IL34: variants seen among roughly 807,000 people sequenced by gnomAD.
IL34 encodes interleukin-34.
In IL34, 17 loss-of-function variants were observed where a neutral mutation model predicts 25.3. That is an observed-to-expected ratio of 0.67 (90% CI 0.46 to 1.01). The LOEUF (loss-of-function observed/expected upper bound fraction) is 1.01. IL34 is among the 50% of genes least tolerant of loss of function. The pLI, the probability that IL34 is intolerant of heterozygous loss-of-function variation, is 0.00. For missense variants in IL34, 368 were observed against 312.9 expected, an observed-to-expected ratio of 1.18 and a Z score of -1.33; for synonymous variants, 174 against 140.9, an observed-to-expected ratio of 1.23 and a Z score of -1.66.
At chr16:70,644,131 C>T (rs1489669989), upstream of IL34, among the ~76,000 whole-genome samples, 1 of 152,176 alleles carries the variant, frequency 6.6e-6, no homozygotes, top group Admixed American at 6.6e-5. Context: ...TGCACCACCA[C>T]ACCTGGCTAA....
chr16:70,652,940 G>A (rs918926300), intron 1 of IL34, among the ~76,000 whole-genome samples: 7 of 152,110 alleles, frequency 4.6e-5, no homozygotes, highest in South Asian at 2.1e-4. Flanking sequence ...ATGGTGGCTC[G>A]TGCCTGTAAA....
At chr16:70,599,292 T>TCTTCTTTCTTTC (rs778188607) in intron 1 of IL34, among the ~76,000 whole-genome samples, 1 of 72,532 alleles carries the variant, frequency 1.4e-5, no homozygotes, top group African/African-American at 6.2e-5. Flanking sequence ...TTTCTTTCTT[T>TCTTCTTTCTTTC]CTTCTTTCTT....
intron 1 of IL34, among the ~76,000 whole-genome samples, chr16:70,594,206 G>A (rs8048007): frequency 0.014 from 2,047 of 151,212 alleles, 50 homozygotes; most frequent in African/African-American, 0.045. Context: ...ACAAAGTTGG[G>A]GAGAACAACC....
intron 1 of IL34, among the ~76,000 whole-genome samples, chr16:70,650,103 T>C (rs910713508): frequency 3.3e-5 from 5 of 152,174 alleles, no homozygotes; most frequent in Non-Finnish European, 7.3e-5. Context: ...CCAGCCTGTG[T>C]TGTGGGTTCT....
intron 1 of IL34, among the ~76,000 whole-genome samples, chr16:70,635,866 A>G (rs917672748): frequency 2.0e-5 from 3 of 152,164 alleles, no homozygotes; most frequent in Non-Finnish European, 2.9e-5. Context: ...AGTTTTCTGT[A>G]TATAGAAATC....
intron 1 of IL34, among the ~76,000 whole-genome samples, chr16:70,616,604 G>A (rs1342503629): frequency 6.6e-6 from 1 of 152,184 alleles, no homozygotes; most frequent in Non-Finnish European, 1.5e-5. Flanking sequence ...AAGCGTGCTG[G>A]ATTATCATTA....
At chr16:70,657,299 AGAGG>A in intron 4 of IL34, 178 bp downstream of exon 4, 1 of 657,126 alleles carries the variant, frequency 1.5e-6, no homozygotes, top group Non-Finnish European at 2.5e-6. Flanking sequence ...TGTGGAAGGA[AGAGG>A]CAGCCGTGGT....
At chr16:70,616,865 G>T (rs1055182457) in intron 1 of IL34, among the ~76,000 whole-genome samples, 2 of 152,144 alleles carry the variant, frequency 1.3e-5, no homozygotes, top group Non-Finnish European at 2.9e-5. Flanking sequence ...GGATGTATAC[G>T]TGCAAGTCAC....
chr16:70,596,444 G>A (rs1049292287), intron 1 of IL34, among the ~76,000 whole-genome samples: 11 of 152,206 alleles, frequency 7.2e-5, no homozygotes, highest in African/African-American at 2.4e-4. Context: ...GCCAGGGAGC[G>A]TGAGTTGCTG....
At chr16:70,628,276 A>T (rs548613370) in intron 1 of IL34, among the ~76,000 whole-genome samples, 2 of 152,276 alleles carry the variant, frequency 1.3e-5, no homozygotes, top group South Asian at 4.1e-4. Flanking sequence ...CCTACTTATG[A>T]TGTTAAATCT....
chr16:70,644,846 GGGAAGAGGAGGAAGAGGA>G (rs774611522), upstream of IL34, among the ~76,000 whole-genome samples: 3 of 140,994 alleles, frequency 2.1e-5, no homozygotes, highest in East Asian at 6.2e-4. Context: ...AGAGGAAGGA[GGGAAGAGGAGGAAGAGGA>G]GGAAGTAGGA....
Position 70,646,879 on chromosome 16 carries a change from T to A in IL34, c.-69T>A. Reference sequence around the variant, plus strand: ...TGCTGCCCCGAGGCCATGTAGGCCGTGCTTAGGCCTCTGTGGACACACTGC... The same window carrying A: ...TGCTGCCCCGAGGCCATGTAGGCCGAGCTTAGGCCTCTGTGGACACACTGC... On this transcript the variant is annotated 5_prime_UTR_variant, in exon 1 of 6. Transcript: ENST00000288098. 1 of 1,415,902 alleles carries A rather than the reference T, an allele frequency of 7.1e-7. No individual in the cohort carries two copies. The highest frequency in any genetic ancestry group is 3.2e-5 in the Admixed American group (1 of 31,444). The allele number at this position is 1,415,902 out of a possible 1,614,324, so 87.7% of individuals were successfully genotyped here.
chr16:70,632,582 T>C (rs528732803), intron 1 of IL34, among the ~76,000 whole-genome samples: 2 of 152,228 alleles, frequency 1.3e-5, no homozygotes, highest in South Asian at 2.1e-4. Flanking sequence ...AGTGCTCTTA[T>C]AAGCGGGCCA....
At chr16:70,598,781 A>C (rs898845529) in intron 1 of IL34, among the ~76,000 whole-genome samples, 1 of 152,186 alleles carries the variant, frequency 6.6e-6, no homozygotes, top group Non-Finnish European at 1.5e-5. Context: ...AATGAAAATT[A>C]GTTTTATTCA....
intron 1 of IL34, among the ~76,000 whole-genome samples, chr16:70,613,177 T>C (rs1461287089): frequency 6.6e-6 from 1 of 152,056 alleles, no homozygotes; most frequent in Non-Finnish European, 1.5e-5. Flanking sequence ...ACTGAAAAAA[T>C]AATTTTGTGA....
intron 1 of IL34, among the ~76,000 whole-genome samples, chr16:70,612,776 A>G (rs550136950): frequency 2.0e-5 from 3 of 152,196 alleles, no homozygotes; most frequent in Admixed American, 6.5e-5. Flanking sequence ...GCTTCTCCCA[A>G]TTAGAACACA....
chr16:70,623,487 G>A (rs983708990), intron 1 of IL34, among the ~76,000 whole-genome samples: 27 of 152,228 alleles, frequency 1.8e-4, no homozygotes, highest in East Asian at 1.2e-3. Flanking sequence ...GCTGTAGCAG[G>A]CGAGTGATAA....
chr16:70,621,668 T>A (rs950451220), intron 1 of IL34, among the ~76,000 whole-genome samples: 2 of 152,040 alleles, frequency 1.3e-5, no homozygotes, highest in African/African-American at 4.8e-5. Context: ...AACATGGCTG[T>A]TTATTTCACC....
At chr16:70,624,033 G>A (rs1567449935) in intron 1 of IL34, among the ~76,000 whole-genome samples, 1 of 151,950 alleles carries the variant, frequency 6.6e-6, no homozygotes, top group Non-Finnish European at 1.5e-5. Context: ...GGCTTTCGAG[G>A]TGATCAGGCA....
Sources: gnomAD v4.1 joint callset for allele counts (sites outside exome capture counted in the v4.1 genomes callset) on GRCh38, gnomAD v4.1.1 for gene constraint, MANE v1.5 for transcripts, NCBI Gene and HGNC (gene_info 2026-07-23, HGNC 2026-07-21) for gene names.